Variants in EAF2 observed in about 807,000 individuals in gnomAD.
EAF2 encodes ELL associated factor 2.
In EAF2, 29 loss-of-function variants were observed where a neutral mutation model predicts 29.4. The observed-to-expected ratio is 0.99, with a 90% confidence interval of 0.73 to 1.35. The LOEUF is 1.35. EAF2 is among the 40% of genes most tolerant of loss of function. The pLI is 0.00. For missense variants in EAF2, 292 were observed against 312.0 expected (o/e 0.94, Z 0.48); for synonymous variants, 103 against 102.5 (o/e 1.00, Z -0.03).
intron 1 of EAF2, among the ~76,000 whole-genome samples, chr3:121,843,775 A>G (rs1012464133): frequency 7.2e-5 from 11 of 152,280 alleles, no homozygotes; most frequent in Admixed American, 2.0e-4. Flanking sequence ...TCAAAATTAA[A>G]TTGTATTTTA....
intron 1 of EAF2, among the ~76,000 whole-genome samples, chr3:121,840,138 C>T: frequency 7.0e-6 from 1 of 142,994 alleles, no homozygotes; most frequent in Non-Finnish European, 1.5e-5. Flanking sequence ...TGCGGTGAGC[C>T]GAGATCGCGC....
At chr3:121,836,018 C>T (rs1438937111) in intron 1 of EAF2, among the ~76,000 whole-genome samples, 19 of 152,106 alleles carry the variant, frequency 1.2e-4, no homozygotes, top group Non-Finnish European at 4.4e-5. Flanking sequence ...CTTTGGTTTT[C>T]TTTATGTCCT....
At chr3:121,873,233 CA>C (rs1462512730) in intron 5 of EAF2, 2 of 515,230 alleles carry the variant, frequency 3.9e-6, no homozygotes, top group East Asian at 6.3e-5. Flanking sequence ...ATCATCTCAT[CA>C]CCTTCAAATT....
chr3:121,844,216 G>A (rs991501874), intron 1 of EAF2, among the ~76,000 whole-genome samples: 1 of 152,078 alleles, frequency 6.6e-6, no homozygotes, highest in Admixed American at 6.5e-5. Context: ...TTCTATGGAA[G>A]CATGAGTGTC....
At chr3:121,861,008 A>G (rs944905958) in intron 4 of EAF2, among the ~76,000 whole-genome samples, 1 of 152,140 alleles carries the variant, frequency 6.6e-6, no homozygotes. Context: ...CCTGAGTTCT[A>G]ATTTGATTGC....
chr3:121,863,379 C>G (rs890670730), intron 4 of EAF2, among the ~76,000 whole-genome samples: 2 of 152,144 alleles, frequency 1.3e-5, no homozygotes, highest in Non-Finnish European at 2.9e-5. Context: ...TTTTGTTTAC[C>G]TACTCAAGTC....
chr3:121,840,101 A>G (rs912188506), intron 1 of EAF2, among the ~76,000 whole-genome samples: 52 of 150,498 alleles, frequency 3.5e-4, no homozygotes, highest in Admixed American at 3.4e-3. Context: ...TGAGACAGAG[A>G]ATTGCTTGAA....
intron 2 of EAF2, among the ~76,000 whole-genome samples, chr3:121,851,658 T>C (rs1196810150): frequency 6.6e-6 from 1 of 152,194 alleles, no homozygotes; most frequent in African/African-American, 2.4e-5. Context: ...AATATGGCTT[T>C]ATCTGAATAC....
At chr3:121,859,567 G>A (rs548677671) in intron 4 of EAF2, among the ~76,000 whole-genome samples, 1 of 151,854 alleles carries the variant, frequency 6.6e-6, no homozygotes, top group Admixed American at 6.6e-5. Flanking sequence ...AAGGAGATTT[G>A]GGGCTGAGAC....
intron 1 of EAF2, 91 bp downstream of exon 1, chr3:121,835,482 C>A (rs3805125): frequency 0.1 from 118,248 of 1,141,772 alleles, 6,815 homozygotes; most frequent in South Asian, 0.16. Flanking sequence ...CCCACAGTAC[C>A]CCTTACACTG....
At chr3:121,881,074 T>G (rs74634920) in intron 5 of EAF2, among the ~76,000 whole-genome samples, 5 of 152,202 alleles carry the variant, frequency 3.3e-5, no homozygotes, top group Non-Finnish European at 4.4e-5. Context: ...CTGGGATAAA[T>G]CCCACTTATC....
Position 121,865,673 on chromosome 3 carries a change from TA to T in EAF2, c.485-6863del, listed in dbSNP as rs564653290. 3.6e-3 allele frequency among the ~76,000 whole-genome samples: 519 copies of T among 144,332 alleles called. 3 individuals are homozygous for T. The highest frequency in any genetic ancestry group is 0.013 in the African/African-American group (483 of 38,016). The allele number at this position is 144,332 out of a possible 152,430, so 94.7% of individuals were successfully genotyped here. A position where few individuals can be genotyped will look rare whatever the true frequency, so the allele number is the denominator to read the frequency against. ...AAGACCCCATCTCTATAAAAAAAAA[TA>T]TTTTTTTAAAAAAGAAATAAGATGG... On this transcript the variant is annotated intron_variant, in intron 4 of 5. Coordinates refer to ENST00000273668, the MANE Select transcript of EAF2 (RefSeq NM_018456.6).
chr3:121,845,012 C>G (rs1708498390), intron 2 of EAF2, among the ~76,000 whole-genome samples: 1 of 152,010 alleles, frequency 6.6e-6, no homozygotes, highest in South Asian at 2.1e-4. Flanking sequence ...TCAGCTGAGC[C>G]TTTAAAGGAC....
At chr3:121,871,721 G>A (rs2107538744) in intron 4 of EAF2, among the ~76,000 whole-genome samples, 1 of 152,086 alleles carries the variant, frequency 6.6e-6, no homozygotes, top group South Asian at 2.1e-4. Context: ...TTAACTGAGT[G>A]TATTATTCAC....
At position 121,835,257 on chromosome 3, in the gene EAF2, G is replaced by C; in HGVS notation, c.-29G>C. On this transcript the variant is annotated 5_prime_UTR_variant, in exon 1 of 6. Coordinates refer to ENST00000273668, the MANE Select transcript of EAF2 (RefSeq NM_018456.6). Reference sequence around the variant, plus strand: ...GTGGCAGATAGTGAGCGCTGGTGGCGGAGTTAAAGTCAAAGCAGGAGAGTA... The same window carrying C: ...GTGGCAGATAGTGAGCGCTGGTGGCCGAGTTAAAGTCAAAGCAGGAGAGTA... The C allele has an allele frequency of 6.2e-7, 1 of 1,605,820 alleles. No individual in the cohort carries two copies. The highest frequency in any genetic ancestry group is 1.7e-5 in the Admixed American group (1 of 60,002).
At chr3:121,880,454 G>T (rs1002300671) in intron 5 of EAF2, among the ~76,000 whole-genome samples, 4 of 91,166 alleles carry the variant, frequency 4.4e-5, no homozygotes, top group African/African-American at 8.6e-5. Flanking sequence ...TAGTGTTTTG[G>T]GGTGTGTGTG....
chr3:121,866,784 G>A (rs28620947), intron 4 of EAF2, among the ~76,000 whole-genome samples: 56,393 of 151,862 alleles, frequency 0.37, 11,148 homozygotes, highest in East Asian at 0.71. Flanking sequence ...CTGTCGTACC[G>A]TAATTTGTGA....
chr3:121,850,394 A>T lies in EAF2; in HGVS notation c.202-4293A>T, dbSNP rs533167472. Among the ~76,000 whole-genome samples the T allele has an allele frequency of 2.0e-5, 3 of 147,438 alleles. No homozygotes were observed. In the South Asian group the frequency reaches 6.4e-4, roughly 31 times the overall value. On this transcript the variant is annotated intron_variant, in intron 2 of 5. Transcript: ENST00000273668. ...TTTGGGAGTACTAGTATACTTTTCC[A>T]TTCCATTATTGATTATTTTCTTTTC...
Position 121,886,356 on chromosome 3 carries a change from C to A in EAF2, c.751C>A (p.Leu251Met). 6.7e-7 allele frequency: 1 copy of A among 1,488,116 alleles called. No individual in the cohort carries two copies. The highest frequency in any genetic ancestry group is 1.5e-5 in the South Asian group (1 of 67,720). The allele number at this position is 1,488,116 out of a possible 1,614,324, so 92.2% of individuals were successfully genotyped here. A position where few individuals can be genotyped will look rare whatever the true frequency, so the allele number is the denominator to read the frequency against. ...TCTTATTTTAGGAAATGATTTGCAGCTGAGTGAATCAGGAAGTGACAGTGA... is the reference window on the plus strand; with the variant it reads ...TCTTATTTTAGGAAATGATTTGCAGATGAGTGAATCAGGAAGTGACAGTGA... ...LMNTLRNDLQ[L>M]SESGSDSDD is the part of the protein sequence containing the mutation. The change falls in exon 6 of 6, where the codon CTG becomes ATG. Residue 251 changes from leucine to methionine, a missense_variant. Physicochemically the swap from Leu to Met is conservative, Grantham distance 15. Coordinates refer to ENST00000273668, the MANE Select transcript of EAF2 (RefSeq NM_018456.6).
Sources: gnomAD v4.1 joint callset for allele counts (sites outside exome capture counted in the v4.1 genomes callset) on GRCh38, gnomAD v4.1.1 for gene constraint, MANE v1.5 for transcripts, NCBI Gene and HGNC (gene_info 2026-07-23, HGNC 2026-07-21) for gene names.